The following ZNF385D variants were observed in gnomAD, a reference collection of about 807,000 sequenced individuals.
ZNF385D encodes the protein zinc finger protein 385D.
A neutral mutation model predicts 35.8 loss-of-function variants in ZNF385D; 15 were observed. The ratio of observed to expected loss-of-function variants is 0.42; its 90% CI spans 0.28 to 0.64. The LOEUF is 0.64. Ranked by LOEUF, ZNF385D falls within the 30% of genes least tolerant of loss-of-function variation. The pLI, the probability that ZNF385D is intolerant of heterozygous loss-of-function variation, is 0.23. For synonymous variants in ZNF385D, 212 were observed against 186.8 expected, an observed-to-expected ratio of 1.13 and a Z score of -1.10; for missense variants, 474 against 494.6, an observed-to-expected ratio of 0.96 and a Z score of 0.39.
At chr3:21,531,119 A>G (rs1187496582) in intron 3 of ZNF385D, among the ~76,000 whole-genome samples, 1 of 152,206 alleles carries the variant, frequency 6.6e-6, no homozygotes, top group Non-Finnish European at 1.5e-5. Context: ...ACATAGAGCA[A>G]TCTTGGTACA....
intron 3 of ZNF385D, among the ~76,000 whole-genome samples, chr3:22,127,709 T>C (rs140169117): frequency 1.3e-5 from 2 of 152,202 alleles, no homozygotes; most frequent in African/African-American, 2.4e-5. Flanking sequence ...TTATTTTAAA[T>C]TGATGACAAG....
intron 3 of ZNF385D, among the ~76,000 whole-genome samples, chr3:22,031,024 T>C (rs1343531304): frequency 2.6e-5 from 4 of 152,208 alleles, no homozygotes; most frequent in Non-Finnish European, 4.4e-5. Context: ...TCTCCTTTGA[T>C]TCTATGTCTC....
At chr3:21,744,626 A>C (rs2069675973) in intron 1 of ZNF385D, among the ~76,000 whole-genome samples, 1 of 152,184 alleles carries the variant, frequency 6.6e-6, no homozygotes, top group Non-Finnish European at 1.5e-5. Flanking sequence ...AAATTGTATC[A>C]GGTGAGTTGC....
chr3:22,197,193 G>C (rs1472811921), intron 2 of ZNF385D, among the ~76,000 whole-genome samples: 1 of 151,848 alleles, frequency 6.6e-6, no homozygotes, highest in Admixed American at 6.6e-5. Context: ...ATTCTGCTTG[G>C]TGTTTTTGAA....
At chr3:22,131,546 G>T (rs908391266) in intron 3 of ZNF385D, among the ~76,000 whole-genome samples, 2 of 152,104 alleles carry the variant, frequency 1.3e-5, no homozygotes, top group African/African-American at 2.4e-5. Context: ...GAAAAATGAT[G>T]TATCAGGAGA....
chr3:21,544,002 T>G (rs888269561), intron 3 of ZNF385D, among the ~76,000 whole-genome samples: 13 of 152,194 alleles, frequency 8.5e-5, no homozygotes, highest in Non-Finnish European at 1.8e-4. Flanking sequence ...TTTTTTTGTG[T>G]GTGTGTAGTG....
chr3:21,680,986 C>G (rs1201715683), intron 1 of ZNF385D, among the ~76,000 whole-genome samples: 2 of 152,050 alleles, frequency 1.3e-5, no homozygotes, highest in Admixed American at 6.6e-5. Context: ...CAGGGAGATG[C>G]TTTGGATTTT....
At position 21,963,592 on chromosome 3, in the gene ZNF385D, T is replaced by C. The variant is rs531705516; in HGVS notation, c.325+205225A>G. Among the ~76,000 whole-genome samples the C allele has an allele frequency of 3.5e-4, 54 of 152,286 alleles. 1 individual carries two copies. In the South Asian group the frequency reaches 0.011, roughly 30 times the overall value. ...GAATTCCACTTGTAAGAACAAGTTG[T>C]TTCATACTTTCCTGCCGCTGGTGGT... On this transcript the variant is annotated intron_variant, in intron 3 of 5. Transcript: ENST00000494108.
At chr3:21,701,139 G>A (rs1022651653) in intron 1 of ZNF385D, among the ~76,000 whole-genome samples, 2 of 152,136 alleles carry the variant, frequency 1.3e-5, no homozygotes, top group African/African-American at 4.8e-5. Flanking sequence ...CAAACCTTCT[G>A]TGAGACAGCA....
chr3:22,183,878 T>A (rs11714670), intron 2 of ZNF385D, among the ~76,000 whole-genome samples: 18,879 of 152,018 alleles, frequency 0.12, 1,542 homozygotes, highest in Middle Eastern at 0.24. Context: ...TTTTTTTGCA[T>A]TTTTTATATT....
chr3:22,030,299 A>ATATATATATATC (rs1553591392), intron 3 of ZNF385D, among the ~76,000 whole-genome samples: 9 of 114,740 alleles, frequency 7.8e-5, no homozygotes, highest in Admixed American at 2.1e-4. Flanking sequence ...ATATATATAT[A>ATATATATATATC]TATCCTATTT....
chr3:21,657,334 A>G (rs80355162), intron 2 of ZNF385D, among the ~76,000 whole-genome samples: 2,154 of 152,090 alleles, frequency 0.014, 56 homozygotes, highest in African/African-American at 0.047. Flanking sequence ...GCATTTGTTT[A>G]GCCTTTGGTT....
intron 1 of ZNF385D, among the ~76,000 whole-genome samples, chr3:21,695,533 A>G (rs191312780): frequency 2.0e-5 from 3 of 152,302 alleles, no homozygotes; most frequent in Admixed American, 1.3e-4. Context: ...ACTGACCAAT[A>G]GCCCATCCAG....
intron 2 of ZNF385D, among the ~76,000 whole-genome samples, chr3:21,577,095 A>G (rs573521369): frequency 6.6e-6 from 1 of 152,334 alleles, no homozygotes; most frequent in Admixed American, 6.5e-5. Context: ...AAAGAACAAT[A>G]GAACTTATTC....
intron 3 of ZNF385D, among the ~76,000 whole-genome samples, chr3:21,972,464 G>A (rs893564177): frequency 1.3e-5 from 2 of 151,834 alleles, no homozygotes; most frequent in Non-Finnish European, 3.0e-5. Flanking sequence ...ATAGCCATAA[G>A]TGCCTATATA....
At chr3:22,251,717 C>A (rs1030980638) in intron 2 of ZNF385D, among the ~76,000 whole-genome samples, 1 of 152,054 alleles carries the variant, frequency 6.6e-6, no homozygotes, top group African/African-American at 2.4e-5. Context: ...ACCCCCTCAT[C>A]TTTGTGGAGT....
At chr3:21,650,362 T>G (rs549903022) in intron 2 of ZNF385D, among the ~76,000 whole-genome samples, 1 of 148,242 alleles carries the variant, frequency 6.7e-6, no homozygotes, top group African/African-American at 2.5e-5. Flanking sequence ...TCTTTTAGCT[T>G]ACTTGGCTGT....
At chr3:21,600,503 A>G (rs1241697457) in intron 2 of ZNF385D, among the ~76,000 whole-genome samples, 1 of 152,240 alleles carries the variant, frequency 6.6e-6, no homozygotes, top group Non-Finnish European at 1.5e-5. Flanking sequence ...AGTCTTAATT[A>G]AAACAAGAAA....
intron 2 of ZNF385D, among the ~76,000 whole-genome samples, chr3:21,600,131 G>T (rs1361016692): frequency 6.6e-6 from 1 of 152,144 alleles, no homozygotes; most frequent in Non-Finnish European, 1.5e-5. Context: ...TCTAAATAGG[G>T]GAGGCATGAA....
Sources: gnomAD v4.1 joint callset for allele counts (sites outside exome capture counted in the v4.1 genomes callset) on GRCh38, gnomAD v4.1.1 for gene constraint, MANE v1.5 for transcripts, NCBI Gene and HGNC (gene_info 2026-07-23, HGNC 2026-07-21) for gene names.